CCDC14: variants seen among roughly 807,000 people sequenced by gnomAD.
The protein encoded by CCDC14 is coiled-coil domain-containing protein 14.
Under a neutral mutation model 81.4 loss-of-function variants are expected in CCDC14, and 71 were observed. That is an observed-to-expected ratio of 0.87 (90% CI 0.72 to 1.06). CCDC14 has a LOEUF of 1.06. Among genes scored for constraint, CCDC14 ranks in the 50% least tolerant of loss-of-function variants. CCDC14 has a pLI of 0.00. For synonymous variants in CCDC14, 332 were observed against 364.8 expected (o/e 0.91, Z 1.03); for missense variants, 1,046 against 1,047.3 (o/e 1.00, Z 0.02).
chr3:123,923,149 T>C (rs1033416935), intron 12 of CCDC14, among the ~76,000 whole-genome samples: 3 of 152,088 alleles, frequency 2.0e-5, no homozygotes, highest in Admixed American at 6.6e-5. Flanking sequence ...GAATGTGATA[T>C]ACCACATTAA....
downstream of CCDC14, among the ~76,000 whole-genome samples, chr3:123,911,389 C>T (rs1366093393): frequency 1.3e-5 from 2 of 151,978 alleles, no homozygotes; most frequent in Non-Finnish European, 2.9e-5. Context: ...TTAAGCAATT[C>T]GGAGCAAAAG....
intron 5 of CCDC14, among the ~76,000 whole-genome samples, chr3:123,904,445 A>G (rs1035060229): frequency 3.9e-5 from 6 of 152,158 alleles, no homozygotes; most frequent in African/African-American, 1.2e-4. Context: ...GATGAAAAAA[A>G]TAGCAAGCAT....
chr3:123,946,748 T>A, intron 8 of CCDC14, 55 bp downstream of exon 8: 1 of 1,447,300 alleles, frequency 6.9e-7, no homozygotes, highest in Non-Finnish European at 9.4e-7. Flanking sequence ...CTAAATAACA[T>A]GACATTGCTA....
chr3:123,961,115 A>C lies in CCDC14; in HGVS notation c.30+29T>G, dbSNP rs192573686. 1.1e-3 allele frequency: 1,661 copies of C among 1,536,352 alleles called. 10 individuals carry two copies. The African/African-American group carries it at 0.019, about 18-fold the overall frequency. On this transcript the variant is annotated intron_variant, in intron 1 of 12. Transcript: ENST00000409697. Reference sequence around the variant, plus strand: ...CCCCCCTGTCCCTCTCCATCCCCACAGCGGACTCCTCAGGTCCTCAGCCCT... The same window carrying C: ...CCCCCCTGTCCCTCTCCATCCCCACCGCGGACTCCTCAGGTCCTCAGCCCT...
chr3:123,932,767 C>A (rs540411999), intron 10 of CCDC14, among the ~76,000 whole-genome samples: 1 of 152,162 alleles, frequency 6.6e-6, no homozygotes, highest in African/African-American at 2.4e-5. Flanking sequence ...ACTGTATATA[C>A]CCTTTGGCTC....
At chr3:123,956,897 C>T (rs971006618) in intron 1 of CCDC14, 102 bp from the exon 2 acceptor site, 2 of 713,720 alleles carry the variant, frequency 2.8e-6, no homozygotes, top group Admixed American at 3.0e-5. Context: ...TTTTATTCAT[C>T]TTCTCAAACT....
chr3:123,950,869 TAA>T (rs1168068207), intron 5 of CCDC14, among the ~76,000 whole-genome samples: 1 of 152,068 alleles, frequency 6.6e-6, no homozygotes, highest in Non-Finnish European at 1.5e-5. Context: ...AAAATATTAC[TAA>T]AAGTGTAAAA....
At chr3:123,954,052 T>C (rs907258745) in intron 5 of CCDC14, 3 of 152,208 alleles carry the variant, frequency 2.0e-5, no homozygotes, top group Non-Finnish European at 4.4e-5. Context: ...ATCCAGTAAG[T>C]TGATACCATG....
At chr3:123,903,370 T>C (rs1204504384) in intron 5 of CCDC14, among the ~76,000 whole-genome samples, 6 of 151,548 alleles carry the variant, frequency 4.0e-5, no homozygotes, top group Non-Finnish European at 7.4e-5. Flanking sequence ...TATTGCTTAT[T>C]GCTGGTGGTA....
At chr3:123,926,515 T>C (rs984502631) in intron 12 of CCDC14, among the ~76,000 whole-genome samples, 1 of 148,658 alleles carries the variant, frequency 6.7e-6, no homozygotes, top group African/African-American at 2.4e-5. Flanking sequence ...ACTATTTACT[T>C]AAATAATGTT....
At chr3:123,936,203 TA>T (rs1205946467) in intron 9 of CCDC14, among the ~76,000 whole-genome samples, 1 of 152,076 alleles carries the variant, frequency 6.6e-6, no homozygotes, top group Non-Finnish European at 1.5e-5. Flanking sequence ...GCTAGGCTTT[TA>T]AAAAAATATT....
chr3:123,907,352 C>T (rs1273926810), intron 5 of CCDC14, among the ~76,000 whole-genome samples: 1 of 152,066 alleles, frequency 6.6e-6, no homozygotes, highest in Non-Finnish European at 1.5e-5. Flanking sequence ...CTCTCTGTCT[C>T]TAAACACACA....
intron 9 of CCDC14, among the ~76,000 whole-genome samples, chr3:123,936,933 T>C (rs1435923933): frequency 1.3e-5 from 2 of 152,096 alleles, no homozygotes; most frequent in African/African-American, 4.8e-5. Flanking sequence ...TATTTATAGT[T>C]TGCATATTCT....
chr3:123,917,212 G>C (rs1253462140), intron 12 of CCDC14, among the ~76,000 whole-genome samples: 1 of 151,478 alleles, frequency 6.6e-6, no homozygotes, highest in Non-Finnish European at 1.5e-5. Context: ...AATCAATGAG[G>C]GCTGGGCATG....
chr3:123,935,467 C>G (rs1302340730), intron 9 of CCDC14, among the ~76,000 whole-genome samples: 2 of 152,124 alleles, frequency 1.3e-5, no homozygotes, highest in Admixed American at 1.3e-4. Flanking sequence ...TAGATACATA[C>G]AAGGATGTTC....
chr3:123,888,141 T>G, the CCDC14 span, among the ~76,000 whole-genome samples: 20 of 152,308 alleles, frequency 1.3e-4, no homozygotes, highest in African/African-American at 4.8e-4. Flanking sequence ...CTAATTCTGA[T>G]GTATGTTGTT....
At chr3:123,945,811 G>T (rs2036596026) in intron 8 of CCDC14, among the ~76,000 whole-genome samples, 1 of 152,176 alleles carries the variant, frequency 6.6e-6, no homozygotes, top group Non-Finnish European at 1.5e-5. Context: ...TGTGTTCAAT[G>T]ATCAAGCAGT....
chr3:123,931,520 G>A lies in CCDC14; in HGVS notation c.1433C>T (p.Ser478Phe), dbSNP rs1175439155. 8.6e-6 allele frequency: 13 copies of A among 1,510,906 alleles called. No homozygotes were observed. Among genetic ancestry groups the A allele is most frequent in the East Asian group, 2.5e-5 (1 of 39,780 alleles). 93.6% of individuals were successfully genotyped at this position (1,510,906 alleles called of 1,614,324 possible). ...CAGTGACATATTCAATGACTGAAGA[G>A]AAAACACTGTTAAGACAAAATGGAT... ...GAVDCNLELF[S>F]LQSLNMSLQN... is the part of the protein sequence containing the mutation. Residue 478 changes from serine to phenylalanine, a missense_variant, in exon 11 of 13, where the codon TCT becomes TTT. Ser to Phe is a radical substitution (Grantham distance 155). Transcript: ENST00000409697.
chr3:123,940,209 T>A (rs2036276872), intron 9 of CCDC14, among the ~76,000 whole-genome samples: 1 of 151,846 alleles, frequency 6.6e-6, no homozygotes, highest in Non-Finnish European at 1.5e-5. Context: ...TAAGTTCTAG[T>A]GGACTACAAT....
Sources: allele counts gnomAD v4.1 joint callset (sites outside exome capture counted in the v4.1 genomes callset), GRCh38; gene constraint gnomAD v4.1.1; transcripts MANE v1.5; gene names NCBI Gene and HGNC (gene_info 2026-07-23, HGNC 2026-07-21).